Variants in ATP2C2 observed in about 807,000 individuals in gnomAD.
ATP2C2 encodes the protein calcium-transporting ATPase type 2C member 2.
Under a neutral mutation model 110.8 loss-of-function variants are expected in ATP2C2, and 171 were observed. That is an observed-to-expected ratio of 1.54 (90% CI 1.36 to 1.75). The LOEUF is 1.75. Ranked by LOEUF, ATP2C2 falls within the 40% of genes most tolerant of loss-of-function variation. The pLI is 0.00. For missense variants in ATP2C2, 1,963 were observed against 1,235.0 expected, an observed-to-expected ratio of 1.59 and a Z score of -8.84; for synonymous variants, 804 against 508.4, an observed-to-expected ratio of 1.58 and a Z score of -7.82.
intron 17 of ATP2C2, among the ~76,000 whole-genome samples, chr16:84,449,501 G>A (rs1910061607): frequency 6.6e-6 from 1 of 152,184 alleles, no homozygotes; most frequent in South Asian, 2.1e-4. Flanking sequence ...TATGCCTAAG[G>A]AAGGCAGGAG....
chr16:84,438,935 T>G (rs960687782), intron 11 of ATP2C2: 1 of 496,582 alleles, frequency 2.0e-6, no homozygotes, highest in Admixed American at 3.5e-5. Context: ...AAGGTGTGGA[T>G]GACTGACAGG....
chr16:84,461,871 C>T (rs1167804074), intron 25 of ATP2C2, 59 bp downstream of exon 25: 10 of 1,608,316 alleles, frequency 6.2e-6, no homozygotes, highest in Non-Finnish European at 8.5e-6. Flanking sequence ...GACAGCAGCG[C>T]CCCGACCCTG....
chr16:84,411,846 G>GA (rs1906326054), intron 6 of ATP2C2, among the ~76,000 whole-genome samples: 1 of 152,200 alleles, frequency 6.6e-6, no homozygotes, highest in South Asian at 2.1e-4. Context: ...CATCTGCGGG[G>GA]GCCCTTCTAG....
At chr16:84,454,345 C>T (rs1010735392) in intron 20 of ATP2C2, among the ~76,000 whole-genome samples, 1 of 152,182 alleles carries the variant, frequency 6.6e-6, no homozygotes, top group Non-Finnish European at 1.5e-5. Flanking sequence ...CGCCTGTGCT[C>T]TGAAAGTTTG....
At position 84,463,695 on chromosome 16, in the gene ATP2C2, G is replaced by A. The variant is rs760013623; in HGVS notation, c.2804G>A (p.Ser935Asn). 4 of 1,614,172 alleles carry A rather than the reference G, an allele frequency of 2.5e-6. No homozygotes were observed. In the Admixed American group the frequency reaches 6.7e-5, roughly 27 times the overall value. The part of the protein sequence containing the change: ...LLKLCEKYCC[S>N]PKRVQMHPED... ...AAACTATGTGAAAAATACTGTTGCA[G>A]CCCCAAGAGAGTCCAGATGCACCCT... Residue 935 changes from serine (S) to asparagine (N), a missense_variant, in exon 27 of 27, where the codon AGC becomes AAC. Coordinates refer to ENST00000262429, the MANE Select transcript of ATP2C2 (RefSeq NM_014861.4).
At chr16:84,458,714 C>A (rs947449299) in intron 21 of ATP2C2, among the ~76,000 whole-genome samples, 30 of 152,216 alleles carry the variant, frequency 2.0e-4, no homozygotes, top group African/African-American at 7.2e-4. Context: ...CCCTCCTTAC[C>A]GTCCTCCGGA....
At chr16:84,380,636 G>C (rs775417825) in intron 1 of ATP2C2, among the ~76,000 whole-genome samples, 2 of 152,138 alleles carry the variant, frequency 1.3e-5, no homozygotes, top group Non-Finnish European at 2.9e-5. Context: ...TTAAGAGCAC[G>C]GAAGTCTACA....
In ATP2C2 at chr16:84,451,973, T is replaced by G. The variant is rs753798571; in HGVS notation, c.1713T>G (p.Leu571=). Residue 571 remains leucine, a synonymous_variant, in exon 18 of 27, where the codon CTT becomes CTG. Transcript: ENST00000262429. ...TGGGGCGGCTGACGTTTCTCGGTCT[T>G]GTGGGCATCATTGACCCCCCGAGAG... ...PELGRLTFLG[L]VGIIDPPRVG... 3.7e-6 allele frequency: 6 copies of G among 1,613,860 alleles called. No homozygotes were observed. The African/African-American group carries it at 6.7e-5, about 18-fold the overall frequency.
In ATP2C2 at chr16:84,369,765, AAT is replaced by A. The variant is rs1909843893; in HGVS notation, c.99+1053_99+1054del. 3.3e-5 allele frequency among the ~76,000 whole-genome samples: 5 copies of A among 152,336 alleles called. No homozygotes were observed. The South Asian group carries it at 1.0e-3, about 32-fold the overall frequency. On this transcript the variant is annotated intron_variant, in intron 1 of 26. Coordinates refer to ENST00000262429, the MANE Select transcript of ATP2C2 (RefSeq NM_014861.4). ...GATTAAGTATTCGTGCTTTTTTAAAAATAGTGTTTTGTGCTTTTTTAAAAATA... is the reference window on the plus strand; with the variant it reads ...GATTAAGTATTCGTGCTTTTTTAAAAAGTGTTTTGTGCTTTTTTAAAAATA...
chr16:84,439,414 T>C lies in ATP2C2; in HGVS notation c.1112-13T>C. The stretch of plus-strand genomic sequence containing the variant: ...GCAACTTCTCTTCTATAAACTGGTG[T>C]TTGTTGTACCAGGTTGCTGCAGCGT... On this transcript the variant is annotated splice_polypyrimidine_tract_variant and intron_variant, in intron 12 of 26. Coordinates refer to ENST00000262429, the MANE Select transcript of ATP2C2 (RefSeq NM_014861.4). 1 of 1,613,986 alleles carries C rather than the reference T, an allele frequency of 6.2e-7. No homozygotes were observed. Among genetic ancestry groups the C allele is most frequent in the Admixed American group, 1.7e-5 (1 of 60,016 alleles).
chr16:84,384,177 C>A (rs1404333747), intron 1 of ATP2C2, among the ~76,000 whole-genome samples: 1 of 152,240 alleles, frequency 6.6e-6, no homozygotes, highest in Non-Finnish European at 1.5e-5. Flanking sequence ...ATCCAGTCCA[C>A]AAGTTCCCAT....
chr16:84,454,769 G>A (rs1454221663), intron 20 of ATP2C2, 49 bp from the exon 21 acceptor site: 6 of 1,523,646 alleles, frequency 3.9e-6, no homozygotes, highest in Non-Finnish European at 3.5e-6. Context: ...GCCGGGCACT[G>A]GGAGGTGGTC....
At chr16:84,448,245 C>G (rs1234863099) in intron 16 of ATP2C2, among the ~76,000 whole-genome samples, 2 of 151,450 alleles carry the variant, frequency 1.3e-5, no homozygotes, top group African/African-American at 4.9e-5. Flanking sequence ...GTGCATGAAA[C>G]ATACAAGACG....
intron 1 of ATP2C2, among the ~76,000 whole-genome samples, chr16:84,371,598 G>A (rs776862619): frequency 5.9e-5 from 9 of 152,232 alleles, no homozygotes; most frequent in Non-Finnish European, 1.2e-4. Context: ...TTAGGGTAAG[G>A]AAGAGATTGG....
intron 1 of ATP2C2, among the ~76,000 whole-genome samples, chr16:84,389,594 G>T (rs1429923891): frequency 6.6e-6 from 1 of 152,090 alleles, no homozygotes; most frequent in African/African-American, 2.4e-5. Flanking sequence ...CCCTCTTCGG[G>T]CCCCTTGGTG....
At chr16:84,380,266 C>T (rs1031298345) in intron 1 of ATP2C2, among the ~76,000 whole-genome samples, 1 of 152,186 alleles carries the variant, frequency 6.6e-6, no homozygotes, top group African/African-American at 2.4e-5. Context: ...ATTTGAGTGA[C>T]AGTTTTGCCT....
chr16:84,415,766 C>T (rs1275359374), intron 7 of ATP2C2, among the ~76,000 whole-genome samples, 175 bp downstream of exon 7: 1 of 152,174 alleles, frequency 6.6e-6, no homozygotes, highest in Non-Finnish European at 1.5e-5. Flanking sequence ...ACGCATAGAG[C>T]CCCTCAAACC....
rs1444188000 is a variant in ATP2C2 at position 84,442,365 on chromosome 16, C to G, written c.1312-145C>G. 4.1e-6 allele frequency: 3 copies of G among 740,178 alleles called. No homozygotes were observed. In the East Asian group the frequency reaches 7.8e-5, roughly 19 times the overall value. 45.9% of individuals were successfully genotyped at this position (740,178 alleles called of 1,614,324 possible). On this transcript the variant is annotated intron_variant, in intron 14 of 26. Coordinates refer to ENST00000262429, the MANE Select transcript of ATP2C2 (RefSeq NM_014861.4). ...CAGCCAAGAAATAGTCACGATGTTT[C>G]TTTTAAAAAGCCGGGACGCTGAGTT...
At chr16:84,452,211 A>G (rs72806637) in intron 18 of ATP2C2, 120 bp downstream of exon 18, 166,455 of 1,239,644 alleles carry the variant, frequency 0.13, 12,730 homozygotes, top group Non-Finnish European at 0.16. Context: ...CTAGCCCTAC[A>G]GGCTTAGAAA....
Sources: allele counts gnomAD v4.1 joint callset (sites outside exome capture counted in the v4.1 genomes callset), GRCh38; gene constraint gnomAD v4.1.1; transcripts MANE v1.5; gene names NCBI Gene and HGNC (gene_info 2026-07-23, HGNC 2026-07-21).